Variants in KCTD14 observed in about 807,000 individuals in gnomAD.
KCTD14 encodes the protein potassium channel tetramerization domain containing 14, also known as BTB/POZ domain-containing protein KCTD14.
KCTD14 carries 7 observed loss-of-function variants against 5.9 expected under a neutral mutation model. That is an observed-to-expected ratio of 1.19 (90% confidence interval 0.68 to 2.23). KCTD14 has a LOEUF of 2.23. KCTD14 is among the 30% of genes most tolerant of loss of function. The probability of loss-of-function intolerance (pLI) is 0.00; values close to 1 mark genes in which losing one functional copy is unlikely to be tolerated. For synonymous variants in KCTD14, 140 were observed against 133.1 expected (o/e 1.05, Z -0.36); for missense variants, 342 against 332.2 (o/e 1.03, Z -0.23).
chr11:78,021,521 C>T (rs1321795982), intron 1 of KCTD14, among the ~76,000 whole-genome samples: 2 of 151,870 alleles, frequency 1.3e-5, no homozygotes, highest in Non-Finnish European at 1.5e-5. Context: ...TAGGCTCAAG[C>T]GATTCTCCTG....
At chr11:78,040,307 T>A (rs1006786130) in intron 1 of KCTD14, among the ~76,000 whole-genome samples, 1 of 152,212 alleles carries the variant, frequency 6.6e-6, no homozygotes, top group African/African-American at 2.4e-5. Context: ...TTTTCCTTTC[T>A]CCTGTCTTCT....
At chr11:78,027,098 C>CA (rs571133491), upstream of KCTD14, among the ~76,000 whole-genome samples, 250 of 150,730 alleles carry the variant, frequency 1.7e-3, 1 homozygote, top group African/African-American at 5.9e-3. Context: ...GAATCCGTCT[C>CA]AAAAAAAATT....
At chr11:78,032,479 G>C (rs560389916) in intron 2 of KCTD14, among the ~76,000 whole-genome samples, 15 of 152,266 alleles carry the variant, frequency 9.9e-5, no homozygotes, top group South Asian at 2.1e-4. Flanking sequence ...AACCCTATAA[G>C]GAAGACTAAA....
At chr11:78,024,182 C>T (rs942742258), upstream of KCTD14, among the ~76,000 whole-genome samples, 1 of 151,692 alleles carries the variant, frequency 6.6e-6, no homozygotes, top group Non-Finnish European at 1.5e-5. Context: ...GTCAGAAGTT[C>T]GAGACCAGCC....
chr11:78,035,674 T>A (rs10899430), intron 2 of KCTD14, among the ~76,000 whole-genome samples: 62,633 of 150,898 alleles, frequency 0.42, 13,088 homozygotes, highest in Non-Finnish European at 0.44. Flanking sequence ...TGAAACCCTT[T>A]CTCTACTAAA....
At chr11:78,035,416 G>A (rs1008937038) in intron 2 of KCTD14, among the ~76,000 whole-genome samples, 2 of 152,072 alleles carry the variant, frequency 1.3e-5, no homozygotes, top group Non-Finnish European at 2.9e-5. Context: ...GTCCCAGCCC[G>A]TGATAGCTGT....
chr11:78,022,055 C>G (rs1857325176), intron 1 of KCTD14, among the ~76,000 whole-genome samples: 1 of 152,194 alleles, frequency 6.6e-6, no homozygotes, highest in African/African-American at 2.4e-5. Context: ...AAGTCCTACA[C>G]TACTATACTT....
chr11:78,038,993 A>G (rs1462975802), intron 1 of KCTD14, among the ~76,000 whole-genome samples: 2 of 151,974 alleles, frequency 1.3e-5, no homozygotes, highest in Admixed American at 6.6e-5. Flanking sequence ...CGCCCTGCCT[A>G]AAACTCATGG....
chr11:78,024,843 G>A (rs7358295), upstream of KCTD14, among the ~76,000 whole-genome samples: 51,984 of 151,180 alleles, frequency 0.34, 9,178 homozygotes, highest in South Asian at 0.44. Flanking sequence ...TACTTGGGAG[G>A]CTGAGGCAGA....
In KCTD14 at chr11:78,017,159, T is replaced by C; in HGVS notation, c.202A>G (p.Lys68Glu). ...KLAEMFSSLA[K>E]ASTDAEGRFF... ...CGGCCCTCCGCGTCCGTGGAGGCCTTGGCTAAGCTAGAGAACATCTCTGCC... is the reference window on the plus strand; with the variant it reads ...CGGCCCTCCGCGTCCGTGGAGGCCTCGGCTAAGCTAGAGAACATCTCTGCC... Residue 68 changes from lysine (K) to glutamate (E), a missense_variant, in exon 2 of 2, where the codon AAG (lysine) becomes GAG (glutamate). Transcript: ENST00000353172. 6.2e-7 allele frequency: 1 copy of C among 1,614,132 alleles called. No homozygotes were observed. Among genetic ancestry groups the C allele is most frequent in the Non-Finnish European group, 8.5e-7 (1 of 1,180,010 alleles).
At chr11:78,024,642 AG>A (rs1857402639), upstream of KCTD14, among the ~76,000 whole-genome samples, 1 of 151,656 alleles carries the variant, frequency 6.6e-6, no homozygotes, top group African/African-American at 2.4e-5. Context: ...GGTTCTACAG[AG>A]GGACAGAACT....
chr11:78,029,440 T>C (rs894047401), intron 2 of KCTD14, among the ~76,000 whole-genome samples: 36 of 152,190 alleles, frequency 2.4e-4, no homozygotes, highest in African/African-American at 8.4e-4. Context: ...AGAACTAGTA[T>C]ATTGATCCAG....
rs371557115 is a variant in KCTD14, at chr11:78,016,726, T to A, written c.635A>T (p.Asp212Val). 7 of 1,614,158 alleles carry A rather than the reference T, an allele frequency of 4.3e-6. No individual in the cohort carries two copies. The highest frequency in any genetic ancestry group is 5.9e-6 in the Non-Finnish European group (7 of 1,180,024). The change falls in exon 2 of 2, where the codon GAC (aspartate) becomes GTC (valine). Residue 212 changes from aspartate to valine, a missense_variant. Asp to Val is a radical substitution (Grantham distance 152, BLOSUM62 -3). Transcript: ENST00000353172. ...GPWKAVLDNS[D>V]LMHCLEMDIK... is the part of the protein sequence containing the mutation. ...GTCCATCTCCAGGCAGTGCATGAGG[T>A]CGCTGTTGTCTAGGACCGCCTTCCA...
At chr11:78,023,457 A>G, upstream of KCTD14, 1 of 573,174 alleles carries the variant, frequency 1.7e-6, no homozygotes, top group South Asian at 2.0e-5. Context: ...GAAATGGAGC[A>G]GACCCCTTAA....
intron 1 of KCTD14, among the ~76,000 whole-genome samples, chr11:78,040,123 C>A (rs758782714): frequency 2.0e-5 from 3 of 152,234 alleles, no homozygotes; most frequent in Non-Finnish European, 4.4e-5. Flanking sequence ...CTCCAACAGA[C>A]TTCCGGGGCT....
At chr11:78,040,695 A>G (rs1399679131) in intron 1 of KCTD14, among the ~76,000 whole-genome samples, 1 of 149,792 alleles carries the variant, frequency 6.7e-6, no homozygotes, top group East Asian at 2.0e-4. Context: ...TTTGAGATGG[A>G]GTTTCACTCT....
At chr11:78,025,026 T>A (rs528533938), upstream of KCTD14, among the ~76,000 whole-genome samples, 3 of 149,350 alleles carry the variant, frequency 2.0e-5, no homozygotes, top group Non-Finnish European at 3.0e-5. Flanking sequence ...ATTACTTTTT[T>A]AACTCCCCGT....
upstream of KCTD14, among the ~76,000 whole-genome samples, chr11:78,024,191 C>T (rs2136716069): frequency 6.6e-6 from 1 of 151,924 alleles, no homozygotes; most frequent in East Asian, 1.9e-4. Context: ...TCGAGACCAG[C>T]CTGACCAAAA....
At position 78,020,838 on chromosome 11, in the gene KCTD14, A is replaced by G. The variant is rs1448303484; in HGVS notation, c.90+2322T>C. 2.6e-5 allele frequency among the ~76,000 whole-genome samples: 4 copies of G among 152,146 alleles called. 1 individual carries two copies. The highest frequency in any genetic ancestry group is 5.9e-5 in the Non-Finnish European group (4 of 68,018). On this transcript the variant is annotated intron_variant, in intron 1 of 1. Coordinates refer to ENST00000353172, the MANE Select transcript of KCTD14 (RefSeq NM_023930.4). ...CCAACATCCTGCCCCCCTACTGCCA[A>G]TACTTTGATATGTGCCCAGGGCCCT...
Sources: allele counts gnomAD v4.1 joint callset (sites outside exome capture counted in the v4.1 genomes callset), GRCh38; gene constraint gnomAD v4.1.1; transcripts MANE v1.5; gene names NCBI Gene and HGNC (gene_info 2026-07-23, HGNC 2026-07-21).